Variants in ADCY3 observed in about 807,000 individuals in gnomAD.
ADCY3 encodes the protein adenylate cyclase 3.
A neutral mutation model predicts 119.4 loss-of-function variants in ADCY3; 70 were observed. The ratio of observed to expected loss-of-function variants is 0.59; its 90% CI spans 0.48 to 0.72. The LOEUF (loss-of-function observed/expected upper bound fraction) is 0.72, where lower values mean the gene tolerates loss of function less well. Ranked by LOEUF, ADCY3 falls within the 30% of genes least tolerant of loss-of-function variation. ADCY3 has a pLI of 0.00. For missense variants in ADCY3, 1,238 were observed against 1,541.6 expected, an observed-to-expected ratio of 0.80 and a Z score of 3.30; for synonymous variants, 672 against 621.4, an observed-to-expected ratio of 1.08 and a Z score of -1.21.
chr2:24,884,608 T>TG (rs1173227549), intron 2 of ADCY3, among the ~76,000 whole-genome samples: 2 of 151,684 alleles, frequency 1.3e-5, no homozygotes, highest in East Asian at 3.9e-4. Context: ...CCCGAGTATC[T>TG]GGGATTTACA....
At chr2:24,866,564 C>CAAAAAAAAAAAAAAA (rs71397449) in intron 3 of ADCY3, among the ~76,000 whole-genome samples, 65 of 46,410 alleles carry the variant, frequency 1.4e-3, no homozygotes, top group African/African-American at 3.9e-3. Flanking sequence ...GACCCTGTCT[C>CAAAAAAAAAAAAAAA]AAAAAAAAAA....
intron 20 of ADCY3, 178 bp from the exon 21 acceptor site, chr2:24,821,026 G>T: frequency 2.2e-6 from 2 of 903,974 alleles, no homozygotes; most frequent in Non-Finnish European, 3.2e-6. Flanking sequence ...TTATCCGTGT[G>T]CTTGTTAGGT....
intron 3 of ADCY3, among the ~76,000 whole-genome samples, chr2:24,865,489 C>CTCTG (rs1300615146): frequency 1.4e-4 from 19 of 140,528 alleles, no homozygotes; most frequent in African/African-American, 4.6e-4. Context: ...AGGCTATCAT[C>CTCTG]TGTGTGTGTG....
Position 24,820,269 on chromosome 2 carries a change from C to T in ADCY3, c.3253-155G>A, listed in dbSNP as rs568804827. ...CCTCCCAGGGCCAAGCCCTTCCACC[C>T]GTGGCGAGCAGCGGGTGGGAAGGAG... is the stretch of plus-strand genomic sequence containing the variant. On this transcript the variant is annotated intron_variant, in intron 21 of 21. Coordinates refer to ENST00000679454, the MANE Select transcript of ADCY3 (RefSeq NM_004036.5). The T allele has an allele frequency of 1.1e-4, 129 of 1,213,958 alleles. 1 individual carries two copies. The highest frequency in any genetic ancestry group is 2.5e-4 in the Admixed American group (7 of 28,372). The allele number at this position is 1,213,958 out of a possible 1,614,324, so 75.2% of individuals were successfully genotyped here. A position where few individuals can be genotyped will look rare whatever the true frequency, so the allele number is the denominator to read the frequency against.
chr2:24,828,379 T>A (rs914330013), intron 13 of ADCY3, among the ~76,000 whole-genome samples: 5 of 152,052 alleles, frequency 3.3e-5, no homozygotes, highest in African/African-American at 1.2e-4. Flanking sequence ...TCACAAAAAC[T>A]CTCTCGAGTA....
chr2:24,835,112 T>C (rs556957471), intron 9 of ADCY3, among the ~76,000 whole-genome samples, 176 bp from the exon 10 acceptor site: 25 of 141,902 alleles, frequency 1.8e-4, no homozygotes, highest in African/African-American at 5.5e-4. Flanking sequence ...CGTGGCTCCA[T>C]GTGGCCTGGA....
At chr2:24,833,394 G>T (rs1669866692) in intron 11 of ADCY3, among the ~76,000 whole-genome samples, 1 of 152,192 alleles carries the variant, frequency 6.6e-6, no homozygotes, top group Non-Finnish European at 1.5e-5. Context: ...CCAGATAGGA[G>T]AAGGCTCGCC....
At chr2:24,863,633 T>C (rs1162107272) in intron 3 of ADCY3, among the ~76,000 whole-genome samples, 1 of 152,234 alleles carries the variant, frequency 6.6e-6, no homozygotes, top group African/African-American at 2.4e-5. Flanking sequence ...GCAATCCTCC[T>C]GCCTCAACCT....
At chr2:24,865,175 G>A (rs1674126542) in intron 3 of ADCY3, among the ~76,000 whole-genome samples, 1 of 152,118 alleles carries the variant, frequency 6.6e-6, no homozygotes, top group East Asian at 1.9e-4. Context: ...TAGGTGAAAA[G>A]ATCTAGTGCC....
chr2:24,830,642 A>G, intron 13 of ADCY3, 67 bp downstream of exon 13: 1 of 1,274,978 alleles, frequency 7.8e-7, no homozygotes, highest in Non-Finnish European at 1.1e-6. Context: ...TGCTTGTGTG[A>G]CCCAAACAGA....
intron 9 of ADCY3, among the ~76,000 whole-genome samples, chr2:24,836,275 G>A (rs1670321878): frequency 6.6e-6 from 1 of 152,212 alleles, no homozygotes; most frequent in Non-Finnish European, 1.5e-5. Context: ...AATTTACCCT[G>A]AGCCCCATCT....
In ADCY3 at chr2:24,839,768, C is replaced by T; in HGVS notation, c.1355+105G>A. ...ATGCTGTTCCGGGGTTGTAGGGAGG[C>T]CTTCTCTGAGGCCCCCTGTCCCTCA... On this transcript the variant is annotated intron_variant, in intron 7 of 21. Transcript: ENST00000679454. 16 of 1,514,974 alleles carry T rather than the reference C, an allele frequency of 1.1e-5. No homozygotes were observed. In the South Asian group the frequency reaches 1.7e-4, roughly 16 times the overall value. The allele number at this position is 1,514,974 out of a possible 1,614,324, so 93.8% of individuals were successfully genotyped here. A position where few individuals can be genotyped will look rare whatever the true frequency, so the allele number is the denominator to read the frequency against.
At chr2:24,884,399 G>T (rs1676763200) in intron 2 of ADCY3, among the ~76,000 whole-genome samples, 1 of 151,370 alleles carries the variant, frequency 6.6e-6, no homozygotes, top group African/African-American at 2.4e-5. Context: ...TCATGCTGCT[G>T]CCTTAGGCCA....
chr2:24,877,311 G>A (rs752124405), intron 2 of ADCY3, among the ~76,000 whole-genome samples: 1 of 152,180 alleles, frequency 6.6e-6, no homozygotes, highest in African/African-American at 2.4e-5. Flanking sequence ...TCAGCCTCTG[G>A]TCAGCAGGCG....
rs938049867 is a variant in ADCY3 at position 24,845,421 on chromosome 2, G to A, written c.826-3037C>T. ...GAGATAAGGAACTTGTTGGGAACTG[G>A]AGCAAAGGTGACTGTTATGTTTTAG... is the stretch of plus-strand genomic sequence containing the variant. On this transcript the variant is annotated intron_variant, in intron 3 of 21. Transcript: ENST00000679454. Among the ~76,000 whole-genome samples the A allele has an allele frequency of 2.6e-5, 4 of 152,228 alleles. No homozygotes were observed. In the East Asian group the frequency reaches 5.8e-4, roughly 22 times the overall value.
Position 24,919,016 on chromosome 2 carries a change from A to G in ADCY3, c.-29T>C. On this transcript the variant is annotated 5_prime_UTR_variant, in exon 2 of 22. Coordinates refer to ENST00000679454, the MANE Select transcript of ADCY3 (RefSeq NM_004036.5). This position sits in a 1 kb window ranked among gnomAD's most constrained non-coding sequence, Gnocchi z 5.5. ...GGCTGGTGTCTGCTACTGGCCCTAG[A>G]GAAGTGGACTGGGAACGGAGGAAGA... is the stretch of plus-strand genomic sequence containing the variant. 1 of 1,520,578 alleles carries G rather than the reference A, an allele frequency of 6.6e-7. No individual in the cohort carries two copies. Among genetic ancestry groups the G allele is most frequent in the Non-Finnish European group, 8.8e-7 (1 of 1,137,250 alleles). The allele number at this position is 1,520,578 out of a possible 1,614,324, so 94.2% of individuals were successfully genotyped here. A position where few individuals can be genotyped will look rare whatever the true frequency, so the allele number is the denominator to read the frequency against.
At chr2:24,852,096 G>T (rs1385399021) in intron 3 of ADCY3, among the ~76,000 whole-genome samples, 1 of 152,198 alleles carries the variant, frequency 6.6e-6, no homozygotes, top group East Asian at 1.9e-4. Context: ...TGACAGTGCG[G>T]CTCTGGCTCT....
rs1370411881 is a variant in ADCY3, at chr2:24,918,387, G to A, written c.601C>T (p.His201Tyr). 6 of 1,613,224 alleles carry A rather than the reference G, an allele frequency of 3.7e-6. No individual in the cohort carries two copies. Among genetic ancestry groups the A allele is most frequent in the Non-Finnish European group, 5.1e-6 (6 of 1,179,784 alleles). Reference sequence around the variant, plus strand: ...ACGGTGACCCCCAGGACCAACGTGTGCACCACACAGGAGACCACGGAGATG... The same window carrying A: ...ACGGTGACCCCCAGGACCAACGTGTACACCACACAGGAGACCACGGAGATG... ...VIISVVSCVVHTLVLGVTVAQ... is the reference protein window; with the variant it reads ...VIISVVSCVVYTLVLGVTVAQ... Residue 201 changes from histidine (H) to tyrosine (Y), a missense_variant, in exon 2 of 22, where the codon CAC (histidine) becomes TAC (tyrosine). His to Tyr is a moderately conservative substitution (Grantham distance 83). Around this residue, in one of 7 missense-constraint regions of ADCY3, gnomAD observed 283 missense variants for 437.2 expected, o/e 0.65. Transcript: ENST00000679454. This position sits in a 1 kb window ranked among gnomAD's most constrained non-coding sequence, Gnocchi z 5.4.
intron 12 of ADCY3, among the ~76,000 whole-genome samples, chr2:24,831,127 C>T (rs987396050): frequency 6.6e-6 from 1 of 152,020 alleles, no homozygotes; most frequent in African/African-American, 2.4e-5. Flanking sequence ...CAGGGCTGCT[C>T]GTCTCTGGCC....
Sources: allele counts gnomAD v4.1 joint callset (sites outside exome capture counted in the v4.1 genomes callset), GRCh38; gene constraint gnomAD v4.1.1; regional missense constraint gnomAD v4.1.1; non-coding constraint Gnocchi (gnomAD v3.1); transcripts MANE v1.5; gene names NCBI Gene and HGNC (gene_info 2026-07-23, HGNC 2026-07-21).